NUBPL: variants seen among roughly 807,000 people sequenced by gnomAD.
The protein encoded by NUBPL is iron-sulfur cluster transfer protein NUBPL.
In NUBPL, 31 loss-of-function variants were observed where a neutral mutation model predicts 45.7. The observed-to-expected ratio is 0.68, with a 90% CI of 0.51 to 0.92. The LOEUF (loss-of-function observed/expected upper bound fraction) is 0.92. NUBPL is among the 40% of genes least tolerant of loss of function. NUBPL has a pLI of 0.00. For missense variants in NUBPL, 401 were observed against 398.7 expected (o/e 1.01, Z -0.05); for synonymous variants, 144 against 140.9 (o/e 1.02, Z -0.15).
At position 31,859,453 on chromosome 14, in the gene NUBPL, C is replaced by G. The variant is rs76188062; in HGVS notation, c.*273C>G. On this transcript the variant is annotated 3_prime_UTR_variant, in exon 11 of 11. Transcript: ENST00000281081. ...TATTGAATTACCCCTTTAGAAATCA[C>G]GAGTTTATGATGTTACAAGTCCATT... is the stretch of plus-strand genomic sequence containing the variant. 1 of 442,138 alleles carries G rather than the reference C, an allele frequency of 2.3e-6. No individual in the cohort carries two copies. Among genetic ancestry groups the G allele is most frequent in the Admixed American group, 3.5e-5 (1 of 28,554 alleles). The allele number at this position is 442,138 out of a possible 1,614,324, so 27.4% of individuals were successfully genotyped here.
At chr14:31,722,334 C>A (rs547312326) in intron 6 of NUBPL, among the ~76,000 whole-genome samples, 2 of 152,140 alleles carry the variant, frequency 1.3e-5, no homozygotes, top group South Asian at 4.1e-4. Flanking sequence ...ATTTATTCAA[C>A]CTGTCATTGA....
At chr14:31,838,043 T>G (rs1257494417) in intron 8 of NUBPL, among the ~76,000 whole-genome samples, 1 of 152,124 alleles carries the variant, frequency 6.6e-6, no homozygotes, top group Non-Finnish European at 1.5e-5. Flanking sequence ...AGAGTCTAAG[T>G]AATTTGGTTC....
At chr14:31,772,490 T>G (rs957615677) in intron 6 of NUBPL, among the ~76,000 whole-genome samples, 3 of 152,182 alleles carry the variant, frequency 2.0e-5, no homozygotes, top group Non-Finnish European at 2.9e-5. Flanking sequence ...ATACTGTTAC[T>G]TGTGTGATAG....
intron 7 of NUBPL, among the ~76,000 whole-genome samples, chr14:31,818,634 C>T (rs1170373159): frequency 2.0e-5 from 3 of 152,180 alleles, no homozygotes; most frequent in Admixed American, 6.5e-5. Context: ...CTGCAAGCTC[C>T]GCCTGCTGGG....
chr14:31,710,435 A>G (rs2037544843), intron 6 of NUBPL, among the ~76,000 whole-genome samples: 1 of 152,130 alleles, frequency 6.6e-6, no homozygotes, highest in Admixed American at 6.5e-5. Context: ...CAGCAGAAAC[A>G]CTAGCTTTTC....
intron 3 of NUBPL, among the ~76,000 whole-genome samples, chr14:31,584,831 T>C (rs1478465635): frequency 6.6e-6 from 1 of 152,220 alleles, no homozygotes; most frequent in Non-Finnish European, 1.5e-5. Context: ...GTTGAGGGCC[T>C]GCTTCCTAGT....
intron 10 of NUBPL, among the ~76,000 whole-genome samples, chr14:31,851,942 G>A (rs1483735416): frequency 6.6e-6 from 1 of 152,130 alleles, no homozygotes; most frequent in African/African-American, 2.4e-5. Flanking sequence ...TTTCATTGAA[G>A]TTAGAGGAAT....
At chr14:31,810,975 G>A (rs567656756) in intron 7 of NUBPL, among the ~76,000 whole-genome samples, 1 of 152,238 alleles carries the variant, frequency 6.6e-6, no homozygotes, top group East Asian at 1.9e-4. Context: ...TAGGGTTTCT[G>A]GCGAGAGATC....
Position 31,673,495 on chromosome 14 carries a change from G to A in NUBPL, c.434G>A (p.Gly145Asp). The A allele has an allele frequency of 6.2e-7, 1 of 1,613,784 alleles. No individual in the cohort carries two copies. The highest frequency in any genetic ancestry group is 8.5e-7 in the Non-Finnish European group (1 of 1,179,818). The change falls in exon 6 of 11, where the codon GGC (glycine) becomes GAC (aspartate). Residue 145 changes from glycine to aspartate, a missense_variant. Transcript: ENST00000281081. ...TGTTACTGTTGCAGTATGTCTATGGGCTTTCTGGTTGAAGAAAGTGAACCA... is the reference window on the plus strand; with the variant it reads ...TGTTACTGTTGCAGTATGTCTATGGACTTTCTGGTTGAAGAAAGTGAACCA... ...LNYGIACMSM[G>D]FLVEESEPVV...
chr14:31,611,926 A>G (rs1385216657), intron 4 of NUBPL, among the ~76,000 whole-genome samples: 4 of 152,234 alleles, frequency 2.6e-5, no homozygotes, highest in Admixed American at 2.6e-4. Flanking sequence ...TCAAATAAAA[A>G]TGGATGAAAA....
At chr14:31,601,166 A>G (rs1246238842) in intron 4 of NUBPL, among the ~76,000 whole-genome samples, 1 of 152,182 alleles carries the variant, frequency 6.6e-6, no homozygotes, top group African/African-American at 2.4e-5. Flanking sequence ...ACCTTGCAGT[A>G]TAGTTTGAAG....
chr14:31,640,870 A>G (rs1333115004), intron 4 of NUBPL, among the ~76,000 whole-genome samples: 1 of 152,156 alleles, frequency 6.6e-6, no homozygotes, highest in East Asian at 1.9e-4. Flanking sequence ...ATTCTCTTCT[A>G]GCTATTGTAC....
At chr14:31,827,375 C>G (rs936450191) in intron 8 of NUBPL, among the ~76,000 whole-genome samples, 5 of 150,724 alleles carry the variant, frequency 3.3e-5, no homozygotes, top group Admixed American at 2.6e-4. Context: ...ACTGGATGCT[C>G]AAAAGAGACA....
At chr14:31,637,526 G>C (rs1326154789) in intron 4 of NUBPL, among the ~76,000 whole-genome samples, 1 of 152,178 alleles carries the variant, frequency 6.6e-6, no homozygotes, top group Non-Finnish European at 1.5e-5. Flanking sequence ...GTCAGTGTTG[G>C]AATAGGTGTG....
intron 8 of NUBPL, among the ~76,000 whole-genome samples, chr14:31,832,706 A>G (rs1292434611): frequency 6.6e-6 from 1 of 152,170 alleles, no homozygotes; most frequent in African/African-American, 2.4e-5. Context: ...TTTTTAGATG[A>G]TAGGAAACTA....
At chr14:31,809,718 A>G (rs889426261) in intron 7 of NUBPL, among the ~76,000 whole-genome samples, 3 of 152,124 alleles carry the variant, frequency 2.0e-5, no homozygotes, top group South Asian at 2.1e-4. Context: ...TAGGGTGTCA[A>G]TTTTAGATCT....
At chr14:31,691,759 C>G (rs2037099538) in intron 6 of NUBPL, among the ~76,000 whole-genome samples, 1 of 152,172 alleles carries the variant, frequency 6.6e-6, no homozygotes, top group African/African-American at 2.4e-5. Context: ...ACGGGGCAGT[C>G]TTGCCAGGAT....
At chr14:31,602,392 T>TAATAAA (rs372504814) in intron 4 of NUBPL, among the ~76,000 whole-genome samples, 145,689 of 146,576 alleles carry the variant, frequency 0.99, 72,403 homozygotes, top group East Asian at 1. Context: ...AGTATAATAA[T>TAATAAA]AGAAAAAAAA....
chr14:31,783,909 C>A (rs2039239548), intron 6 of NUBPL, among the ~76,000 whole-genome samples: 1 of 152,162 alleles, frequency 6.6e-6, no homozygotes, highest in Admixed American at 6.6e-5. Flanking sequence ...ATTATTGGCA[C>A]CAGTCATTTG....
Sources: gnomAD v4.1 joint callset for allele counts (sites outside exome capture counted in the v4.1 genomes callset) on GRCh38, gnomAD v4.1.1 for gene constraint, MANE v1.5 for transcripts, NCBI Gene and HGNC (gene_info 2026-07-23, HGNC 2026-07-21) for gene names.